WDR1: variants seen among roughly 807,000 people sequenced by gnomAD.
WDR1 encodes WD repeat domain 1.
A neutral mutation model predicts 71.9 loss-of-function variants in WDR1; 21 were observed. The observed-to-expected ratio is 0.29, with a 90% CI of 0.21 to 0.42. WDR1 has a LOEUF of 0.42. Among genes scored for constraint, WDR1 ranks in the 10% least tolerant of loss-of-function variants. WDR1 has a pLI of 1.00. For missense variants in WDR1, 696 were observed against 824.5 expected, an observed-to-expected ratio of 0.84 and a Z score of 1.91; for synonymous variants, 424 against 347.4, an observed-to-expected ratio of 1.22 and a Z score of -2.45.
At chr4:10,097,103 G>A (rs369757377) in intron 5 of WDR1, among the ~76,000 whole-genome samples, 5 of 152,384 alleles carry the variant, frequency 3.3e-5, no homozygotes, top group African/African-American at 9.6e-5. Flanking sequence ...GCACACCCCC[G>A]TCTTGCAGAA....
intron 8 of WDR1, among the ~76,000 whole-genome samples, chr4:10,084,912 G>A (rs187257950): frequency 3.0e-4 from 46 of 152,350 alleles, no homozygotes; most frequent in Non-Finnish European, 4.9e-4. Context: ...CAAGGGGGTC[G>A]GTCCAGGAGG....
intron 8 of WDR1, among the ~76,000 whole-genome samples, chr4:10,086,835 C>T (rs1175179393): frequency 1.3e-5 from 2 of 152,220 alleles, no homozygotes; most frequent in African/African-American, 4.8e-5. Flanking sequence ...CCCTGGGCCA[C>T]CAGCGCTGGG....
chr4:10,104,662 C>A (rs887950449), intron 2 of WDR1, among the ~76,000 whole-genome samples: 1 of 152,162 alleles, frequency 6.6e-6, no homozygotes, highest in Non-Finnish European at 1.5e-5. Context: ...CCCTGCGCCT[C>A]CCTCCCGGCA....
intron 2 of WDR1, chr4:10,115,760 C>T (rs1713676914): frequency 1.1e-5 from 2 of 179,478 alleles, no homozygotes; most frequent in Middle Eastern, 4.7e-3. Context: ...CCCTCAAATC[C>T]GGAGCCCTTG....
chr4:10,095,366 G>C (rs956148630), intron 5 of WDR1, among the ~76,000 whole-genome samples: 28 of 152,210 alleles, frequency 1.8e-4, no homozygotes, highest in Non-Finnish European at 1.3e-4. Context: ...TAATTCCTGA[G>C]AACTTCCACA....
Position 10,079,596 on chromosome 4 carries a change from CCCTT to C in WDR1, c.1285-599_1285-596del, listed in dbSNP as rs778911234. On this transcript the variant is annotated intron_variant, in intron 11 of 14. Coordinates refer to ENST00000499869, the MANE Select transcript of WDR1 (RefSeq NM_017491.5). Reference sequence around the variant, plus strand: ...TGCAGCGGGGGCCTTCCTTCCATCTCCCTTCCTTGTCAATTCTTCCGGTTCTAAC... The same window carrying C: ...TGCAGCGGGGGCCTTCCTTCCATCTCCCTTGTCAATTCTTCCGGTTCTAAC... 5.3e-5 allele frequency among the ~76,000 whole-genome samples: 8 copies of C among 152,230 alleles called. No individual in the cohort carries two copies. The South Asian group carries it at 8.3e-4, about 16-fold the overall frequency.
rs1302530861 is a variant in WDR1, at chr4:10,088,181, T to A, written c.717+112A>T. On this transcript the variant is annotated intron_variant, in intron 7 of 14. Transcript: ENST00000499869. ...TGGGCAGATATAAAACCGCCCCGAC[T>A]TATAGCCCCTCATTTCAAGTTTTTG... 5.4e-6 allele frequency: 6 copies of A among 1,112,874 alleles called. No homozygotes were observed. In the Admixed American group the frequency reaches 6.0e-5, roughly 11 times the overall value. The allele number at this position is 1,112,874 out of a possible 1,614,324, so 68.9% of individuals were successfully genotyped here.
At chr4:10,077,554 C>CA in intron 13 of WDR1, 106 bp from the exon 14 acceptor site, 1 of 1,552,292 alleles carries the variant, frequency 6.4e-7, no homozygotes, top group Middle Eastern at 1.9e-4. Context: ...CGAGGTTTCT[C>CA]ACGCGCTAAC....
At chr4:10,111,163 C>T (rs1713329909) in intron 2 of WDR1, among the ~76,000 whole-genome samples, 1 of 152,346 alleles carries the variant, frequency 6.6e-6, no homozygotes, top group East Asian at 1.9e-4. Flanking sequence ...CTCTGAATGG[C>T]TCCAGTGGCC....
At chr4:10,083,385 T>A (rs1433961937) in intron 9 of WDR1, among the ~76,000 whole-genome samples, 1 of 152,174 alleles carries the variant, frequency 6.6e-6, no homozygotes, top group Non-Finnish European at 1.5e-5. Flanking sequence ...ACACAGGGAT[T>A]GGGATGAGGC....
intron 3 of WDR1, among the ~76,000 whole-genome samples, chr4:10,103,686 C>T (rs992505020): frequency 3.3e-5 from 5 of 152,270 alleles, no homozygotes; most frequent in African/African-American, 4.8e-5. Flanking sequence ...CATGGGCCAC[C>T]GGTTGGACAA....
chr4:10,104,264 T>C (rs1335354546), intron 2 of WDR1, among the ~76,000 whole-genome samples: 1 of 152,206 alleles, frequency 6.6e-6, no homozygotes, highest in East Asian at 1.9e-4. Flanking sequence ...GTACTTTCCA[T>C]AATACAGAAC....
At position 10,081,348 on chromosome 4, in the gene WDR1, G is replaced by A. The variant is rs755307276; in HGVS notation, c.1284+9C>T. On this transcript the variant is annotated intron_variant, in intron 11 of 14. Transcript: ENST00000499869. The stretch of plus-strand genomic sequence containing the variant: ...AGGCTCCCACCCAAACACTAAGCCA[G>A]GTCCCTACCTGTCCAATGCACACGA... 3.0e-5 allele frequency: 49 copies of A among 1,613,158 alleles called. No homozygotes were observed. In the Admixed American group the frequency reaches 8.2e-4, roughly 27 times the overall value.
chr4:10,116,231 T>A lies in WDR1; in HGVS notation c.20A>T (p.Lys7Met). MPYEIK[K>M]VFASLPQVER... is the part of the protein sequence containing the mutation. Reference sequence around the variant, plus strand: ...CACCTGCGGGAGGCTGGCGAACACCTTCTCTGCGGAGACACAAATGCGGCG... The same window carrying A: ...CACCTGCGGGAGGCTGGCGAACACCATCTCTGCGGAGACACAAATGCGGCG... Residue 7 changes from lysine (K) to methionine (M), a missense_variant, in exon 2 of 15, where the codon AAG becomes ATG. Lys to Met is a moderately conservative substitution (Grantham distance 95). Transcript: ENST00000499869. 2.5e-6 allele frequency: 4 copies of A among 1,613,382 alleles called. No individual in the cohort carries two copies. Among genetic ancestry groups the A allele is most frequent in the Non-Finnish European group, 3.4e-6 (4 of 1,179,758 alleles).
chr4:10,100,072 T>TA (rs1352958251), intron 3 of WDR1, among the ~76,000 whole-genome samples: 3 of 152,248 alleles, frequency 2.0e-5, no homozygotes, highest in Non-Finnish European at 4.4e-5. Flanking sequence ...CTTCACGCTT[T>TA]AAAACCTCAG....
chr4:10,081,576 T>G lies in WDR1; in HGVS notation c.1197-132A>C, dbSNP rs1327487962. On this transcript the variant is annotated intron_variant, in intron 10 of 14. Transcript: ENST00000499869. The stretch of plus-strand genomic sequence containing the variant: ...CTATTGCCACCTATACTGGAGAGAC[T>G]TGCTAAAATATGGGATGGTAGCGAA... The G allele has an allele frequency of 8.9e-6, 6 of 670,848 alleles. No individual in the cohort carries two copies. The East Asian group carries it at 1.7e-4, about 19-fold the overall frequency. The allele number at this position is 670,848 out of a possible 1,614,324, so 41.6% of individuals were successfully genotyped here.
intron 2 of WDR1, among the ~76,000 whole-genome samples, chr4:10,113,433 G>A (rs1158152743): frequency 6.6e-6 from 1 of 152,222 alleles, no homozygotes; most frequent in Admixed American, 6.5e-5. Flanking sequence ...CCAGGCAAAG[G>A]CAATAACTAG....
At chr4:10,112,018 T>C (rs1713403325) in intron 2 of WDR1, among the ~76,000 whole-genome samples, 1 of 152,152 alleles carries the variant, frequency 6.6e-6, no homozygotes, top group South Asian at 2.1e-4. Context: ...GCTGGCTGCC[T>C]GGCAGCACAC....
intron 2 of WDR1, among the ~76,000 whole-genome samples, chr4:10,104,306 T>C (rs1712893297): frequency 6.6e-6 from 1 of 152,176 alleles, no homozygotes; most frequent in Non-Finnish European, 1.5e-5. Context: ...ACACAAAAGG[T>C]GGATTAGAGC....
Sources: gnomAD v4.1 joint callset for allele counts (sites outside exome capture counted in the v4.1 genomes callset) on GRCh38, gnomAD v4.1.1 for gene constraint, MANE v1.5 for transcripts, NCBI Gene and HGNC (gene_info 2026-07-23, HGNC 2026-07-21) for gene names.